The following ZFYVE9 variants were observed in gnomAD, a reference collection of about 807,000 sequenced individuals.
ZFYVE9 encodes the protein zinc finger FYVE domain-containing protein 9.
Under a neutral mutation model 126.7 loss-of-function variants are expected in ZFYVE9, and 43 were observed. That is an observed-to-expected ratio of 0.34 (90% CI 0.27 to 0.44). ZFYVE9 has a LOEUF of 0.44. ZFYVE9 is among the 20% of genes least tolerant of loss of function. The probability of loss-of-function intolerance (pLI) is 1.00; values close to 1 mark genes in which losing one functional copy is unlikely to be tolerated. For synonymous variants in ZFYVE9, 521 were observed against 597.4 expected (o/e 0.87, Z 1.87); for missense variants, 1,476 against 1,697.0 (o/e 0.87, Z 2.29).
intron 1 of ZFYVE9, among the ~76,000 whole-genome samples, chr1:52,189,730 G>T (rs1301960441): frequency 1.3e-5 from 2 of 151,284 alleles, no homozygotes; most frequent in African/African-American, 4.9e-5. Context: ...CTTAGTGCAA[G>T]TCCACAAAGA....
chr1:52,248,458 C>G (rs1192885268), intron 4 of ZFYVE9, among the ~76,000 whole-genome samples: 1 of 152,162 alleles, frequency 6.6e-6, no homozygotes, highest in African/African-American at 2.4e-5. Context: ...GTCTTCTTCT[C>G]CCAGTCCACT....
rs546190735 is a variant in ZFYVE9 at position 52,306,682 on chromosome 1, G to A, written c.3438+2757G>A. On this transcript the variant is annotated intron_variant, in intron 13 of 18. Coordinates refer to ENST00000287727, the MANE Select transcript of ZFYVE9 (RefSeq NM_004799.4). ...TGGGAGCTCCCTGAGCCAGGGCTGT[G>A]ACTCCCTCTTTGGGGCCCTGTGGTT... 2.0e-5 allele frequency among the ~76,000 whole-genome samples: 3 copies of A among 152,384 alleles called. No individual in the cohort carries two copies. The East Asian group carries it at 5.8e-4, about 29-fold the overall frequency.
chr1:52,196,255 T>C (rs1418087586), intron 1 of ZFYVE9, among the ~76,000 whole-genome samples: 1 of 152,244 alleles, frequency 6.6e-6, no homozygotes, highest in African/African-American at 2.4e-5. Context: ...TAGAATGTGC[T>C]AAATGTTGAA....
chr1:52,146,615 A>G (rs1185407480), intron 1 of ZFYVE9, among the ~76,000 whole-genome samples: 3 of 152,170 alleles, frequency 2.0e-5, no homozygotes, highest in African/African-American at 7.2e-5. Context: ...TCAGAGCTAT[A>G]GTTCAGTCCC....
intron 1 of ZFYVE9, among the ~76,000 whole-genome samples, chr1:52,144,835 T>C (rs1441045115): frequency 6.6e-6 from 1 of 152,190 alleles, no homozygotes; most frequent in African/African-American, 2.4e-5. Context: ...AATGTCATTG[T>C]CTGTAAAATG....
intron 2 of ZFYVE9, among the ~76,000 whole-genome samples, chr1:52,231,693 G>C (rs952255171): frequency 6.6e-6 from 1 of 151,274 alleles, no homozygotes; most frequent in Non-Finnish European, 1.5e-5. Flanking sequence ...GTGCAATCTC[G>C]GCTCACTGCA....
rs991716545 is a variant in ZFYVE9 at position 52,316,964 on chromosome 1, TAAG to T, written c.3438+13041_3438+13043del. ...GGTGTAAAAGAGGTCTCAATAAATG[TAAG>T]ATGATTCAAATCATACAGAATGTGG... On this transcript the variant is annotated intron_variant, in intron 13 of 18. Coordinates refer to ENST00000287727, the MANE Select transcript of ZFYVE9 (RefSeq NM_004799.4). 7.9e-5 allele frequency among the ~76,000 whole-genome samples: 12 copies of T among 152,162 alleles called. No individual in the cohort carries two copies. In the South Asian group the frequency reaches 8.3e-4, roughly 11 times the overall value.
intron 2 of ZFYVE9, among the ~76,000 whole-genome samples, chr1:52,228,892 C>T (rs375325269): frequency 3.4e-5 from 5 of 146,376 alleles, no homozygotes; most frequent in African/African-American, 1.3e-4. Flanking sequence ...AATCTTTTTT[C>T]CTTTTTTTTT....
Position 52,266,664 on chromosome 1 carries a change from G to T in ZFYVE9, c.2288G>T (p.Trp763Leu). The change falls in exon 6 of 19, where the codon TGG becomes TTG. Residue 763 changes from tryptophan to leucine, a missense_variant. By Grantham distance (61) the Trp-to-Leu change is moderately conservative. Transcript: ENST00000287727. ...CHSVLMNAQA[W>L]ENMMSASSQS... ...TCTGTATTTGCTTTAGCTCAAGCCT[G>T]GGAGAACATGATGAGTGCCTCAAGC... 1 of 1,592,546 alleles carries T rather than the reference G, an allele frequency of 6.3e-7. No individual in the cohort carries two copies. The highest frequency in any genetic ancestry group is 8.5e-7 in the Non-Finnish European group (1 of 1,171,100).
intron 7 of ZFYVE9, among the ~76,000 whole-genome samples, chr1:52,272,189 CA>C (rs1417659563): frequency 1.3e-5 from 2 of 152,152 alleles, no homozygotes. Context: ...ATATATGTAG[CA>C]AAATGCATGA....
At chr1:52,291,195 T>G (rs1314957054) in intron 10 of ZFYVE9, among the ~76,000 whole-genome samples, 2 of 152,212 alleles carry the variant, frequency 1.3e-5, no homozygotes, top group Non-Finnish European at 2.9e-5. Context: ...TGATAATGTT[T>G]AGGTGAACAT....
chr1:52,273,818 C>CA (rs61193193), intron 7 of ZFYVE9, among the ~76,000 whole-genome samples: 8,024 of 74,834 alleles, frequency 0.11, 390 homozygotes, highest in Non-Finnish European at 0.17. Flanking sequence ...GACTCCTTCT[C>CA]AAAAAAAAAA....
Position 52,268,457 on chromosome 1 carries a change from C to G in ZFYVE9, c.2456-6C>G. ...GATGCCTGTTTTATTTTTCTGGCCC[C>G]TCAAGTGGCTCAGCCCAGAGAGCAG... On this transcript the variant is annotated splice_region_variant and splice_polypyrimidine_tract_variant and intron_variant, in intron 6 of 18. Transcript: ENST00000287727. 6.2e-7 allele frequency: 1 copy of G among 1,608,594 alleles called. No homozygotes were observed. The highest frequency in any genetic ancestry group is 8.5e-7 in the Non-Finnish European group (1 of 1,175,990).
intron 2 of ZFYVE9, among the ~76,000 whole-genome samples, chr1:52,227,451 C>T (rs147268079): frequency 6.6e-6 from 1 of 152,314 alleles, no homozygotes; most frequent in African/African-American, 2.4e-5. Flanking sequence ...CTGTAGTAGC[C>T]ACAGCTGTGA....
intron 1 of ZFYVE9, among the ~76,000 whole-genome samples, chr1:52,210,211 A>T (rs186817594): frequency 6.6e-6 from 1 of 152,340 alleles, no homozygotes; most frequent in East Asian, 1.9e-4. Context: ...CTGCTAGGTA[A>T]GTTCCTGCGG....
intron 1 of ZFYVE9, among the ~76,000 whole-genome samples, chr1:52,209,517 T>G (rs1301770525): frequency 6.6e-6 from 1 of 152,102 alleles, no homozygotes; most frequent in Non-Finnish European, 1.5e-5. Flanking sequence ...CCCCAGCCCC[T>G]GGCAACACTA....
chr1:52,225,310 A>G (rs1645160297), intron 2 of ZFYVE9, among the ~76,000 whole-genome samples: 2 of 152,168 alleles, frequency 1.3e-5, no homozygotes, highest in Non-Finnish European at 2.9e-5. Context: ...GCGTCTCCCC[A>G]TGAAAGATAA....
At chr1:52,207,416 C>T (rs1014890370) in intron 1 of ZFYVE9, among the ~76,000 whole-genome samples, 1 of 152,138 alleles carries the variant, frequency 6.6e-6, no homozygotes, top group African/African-American at 2.4e-5. Context: ...TAGCTCTTGA[C>T]TGGGAATTTG....
chr1:52,168,341 T>C (rs549482132), intron 1 of ZFYVE9, among the ~76,000 whole-genome samples: 25 of 150,720 alleles, frequency 1.7e-4, no homozygotes, highest in Admixed American at 1.2e-3. Context: ...CTCAGCGTCC[T>C]GCATTGCTGG....
Sources: allele counts gnomAD v4.1 joint callset (sites outside exome capture counted in the v4.1 genomes callset), GRCh38; gene constraint gnomAD v4.1.1; transcripts MANE v1.5; gene names NCBI Gene and HGNC (gene_info 2026-07-23, HGNC 2026-07-21).